Variants in RAB17 observed in about 807,000 individuals in gnomAD.
The protein encoded by RAB17 is RAB17, member RAS oncogene family, also known as ras-related protein Rab-17.
In RAB17, 15 loss-of-function variants were observed where a neutral mutation model predicts 19.3. That is an observed-to-expected ratio of 0.78 (90% CI 0.52 to 1.20). The LOEUF is 1.20. RAB17 is among the 50% of genes most tolerant of loss of function. The pLI, the probability that RAB17 is intolerant of heterozygous loss-of-function variation, is 0.00. For missense variants in RAB17, 262 were observed against 269.3 expected (o/e 0.97, Z 0.19); for synonymous variants, 110 against 112.8 (o/e 0.97, Z 0.16).
rs2081344876 is a variant in RAB17 at position 237,585,763 on chromosome 2, C to A, written c.157+235G>T. ...CCTACCCCAGAATCTCCACCCCCTG[C>A]AGACTCCAGCTGAGCTGAAACCTGA... On this transcript the variant is annotated intron_variant, in intron 2 of 5. Coordinates refer to ENST00000264601, the MANE Select transcript of RAB17 (RefSeq NM_022449.4). Among the ~76,000 whole-genome samples the A allele has an allele frequency of 2.0e-5, 3 of 152,212 alleles. No individual in the cohort carries two copies. In the South Asian group the frequency reaches 6.2e-4, roughly 32 times the overall value.
rs1413472593 is a variant in RAB17 at position 237,584,681 on chromosome 2, A to C, written c.157+1317T>G. Among the ~76,000 whole-genome samples, 5 of 152,132 alleles carry C rather than the reference A, an allele frequency of 3.3e-5. No homozygotes were observed. The East Asian group carries it at 9.7e-4, about 29-fold the overall frequency. On this transcript the variant is annotated intron_variant, in intron 2 of 5. Coordinates refer to ENST00000264601, the MANE Select transcript of RAB17 (RefSeq NM_022449.4). ...CCTGACACCTGCTGCCTCTCTCTGC[A>C]TCTTGAATACCAGCCACCCAGGTAC...
chr2:237,575,787 CT>C (rs1223372668), intron 4 of RAB17: 3 of 388,436 alleles, frequency 7.7e-6, no homozygotes, highest in Non-Finnish European at 1.4e-5. Flanking sequence ...CACCTGTGGG[CT>C]TTGATGCTGG....
chr2:237,578,267 C>A, intron 2 of RAB17, 112 bp from the exon 3 acceptor site: 1 of 1,061,086 alleles, frequency 9.4e-7, no homozygotes, highest in Admixed American at 2.7e-5. Flanking sequence ...GGACAGCTGG[C>A]CATGCATCTC....
At chr2:237,576,813 G>GC (rs2081267445) in intron 4 of RAB17, 2 of 449,312 alleles carry the variant, frequency 4.5e-6, no homozygotes, top group Non-Finnish European at 9.3e-6. Context: ...CATTTGCACA[G>GC]AAGCCCCTTC....
At chr2:237,579,974 A>T (rs2081296289) in intron 2 of RAB17, among the ~76,000 whole-genome samples, 1 of 152,234 alleles carries the variant, frequency 6.6e-6, no homozygotes. Flanking sequence ...TCCAGCTTAG[A>T]TGGGGCAACT....
Position 237,574,786 on chromosome 2 carries a change from G to C in RAB17, c.*233C>G. ...AACAGGCACAGGCATCGGGGAATCA[G>C]ATGGTATCAGTGGGGATAGGGCACA... On this transcript the variant is annotated 3_prime_UTR_variant, in exon 6 of 6. Transcript: ENST00000264601. 5.7e-6 allele frequency: 6 copies of C among 1,052,642 alleles called. No individual in the cohort carries two copies. The highest frequency in any genetic ancestry group is 7.9e-6 in the Non-Finnish European group (6 of 762,104). The allele number at this position is 1,052,642 out of a possible 1,614,324, so 65.2% of individuals were successfully genotyped here.
intron 5 of RAB17, 32 bp downstream of exon 5, chr2:237,575,355 C>T: frequency 6.4e-7 from 1 of 1,550,766 alleles, no homozygotes; most frequent in East Asian, 2.3e-5. Flanking sequence ...CAAGCACCTC[C>T]CCCTTGTCTG....
At chr2:237,585,894 T>G in intron 2 of RAB17, 104 bp downstream of exon 2, 1 of 1,273,510 alleles carries the variant, frequency 7.9e-7, no homozygotes, top group Non-Finnish European at 1.1e-6. Flanking sequence ...GGTCCCAGCA[T>G]GGGGATTCCT....
chr2:237,586,472 C>T (rs7579560), intron 1 of RAB17, among the ~76,000 whole-genome samples: 39,922 of 152,070 alleles, frequency 0.26, 6,937 homozygotes, highest in African/African-American at 0.5. Context: ...TTGTTGTCCT[C>T]CTTCCATTAC....
chr2:237,580,855 G>A (rs892923608), intron 2 of RAB17, among the ~76,000 whole-genome samples: 4 of 152,200 alleles, frequency 2.6e-5, no homozygotes, highest in Non-Finnish European at 4.4e-5. Flanking sequence ...TTTAGTCCAA[G>A]CAATGATAAT....
At chr2:237,584,464 A>C (rs2081332848) in intron 2 of RAB17, among the ~76,000 whole-genome samples, 2 of 151,980 alleles carry the variant, frequency 1.3e-5, no homozygotes, top group South Asian at 4.2e-4. Context: ...CAACCACTCA[A>C]CCCTGCTGCC....
intron 1 of RAB17, among the ~76,000 whole-genome samples, chr2:237,588,831 A>C (rs988397882): frequency 6.6e-6 from 1 of 152,260 alleles, no homozygotes; most frequent in African/African-American, 2.4e-5. Context: ...TGTCTGAATT[A>C]ACTGAAACAG....
At position 237,575,402 on chromosome 2, in the gene RAB17, C is replaced by T. The variant is rs1318070420; in HGVS notation, c.514G>A (p.Val172Met). 6.2e-7 allele frequency: 1 copy of T among 1,611,794 alleles called. No homozygotes were observed. The highest frequency in any genetic ancestry group is 8.5e-7 in the Non-Finnish European group (1 of 1,179,344). Reference protein sequence around the residue: ...SAKLNHQVSEVFNTVAQELLQ... With the variant: ...SAKLNHQVSEMFNTVAQELLQ... ...CGTGACTCACCCACTGTATTGAACACCTCCGACACCTGGTGGTTCAGTTTG... is the reference window on the plus strand; with the variant it reads ...CGTGACTCACCCACTGTATTGAACATCTCCGACACCTGGTGGTTCAGTTTG... Residue 172 changes from valine (V) to methionine (M), a missense_variant, in exon 5 of 6, where the codon GTG (valine) becomes ATG (methionine). Val to Met is a conservative substitution (Grantham distance 21, BLOSUM62 1). Transcript: ENST00000264601.
intron 4 of RAB17, 195 bp from the exon 5 acceptor site, chr2:237,575,675 A>G: frequency 1.8e-6 from 1 of 551,876 alleles, no homozygotes; most frequent in Non-Finnish European, 3.2e-6. Context: ...GCTCCCTGGA[A>G]GAGGCTCTTC....
Position 237,590,676 on chromosome 2 carries a change from T to C in RAB17, c.-213A>G, listed in dbSNP as rs57423896. 75,564 of 152,336 alleles carry C rather than the reference T, an allele frequency of 0.5. 21,076 individuals carry two copies. The highest frequency in any genetic ancestry group is 0.77 in the African/African-American group (31,706 of 41,224). The allele number at this position is 152,336 out of a possible 1,614,324, so 9.4% of individuals were successfully genotyped here. On this transcript the variant is annotated 5_prime_UTR_variant, in exon 1 of 6. Transcript: ENST00000264601. ...GAGCAGCAGCCTCGGACCAGAGCAA[T>C]GCCCACTGGACCCCAGCGCCAAGGT...
Position 237,578,171 on chromosome 2 carries a change from CCAGAGGGCTTACT to C in RAB17, c.158-29_158-17del, listed in dbSNP as rs764933092. 6.2e-7 allele frequency: 1 copy of C among 1,601,140 alleles called. No individual in the cohort carries two copies. Among genetic ancestry groups the C allele is most frequent in the Non-Finnish European group, 8.5e-7 (1 of 1,170,042 alleles). ...AAGAACGCACCTGAAACAGGGAGGC[CCAGAGGGCTTACT>C]CAGAGGACGAGGTTGCCACATGCGG... On this transcript the variant is annotated splice_polypyrimidine_tract_variant and intron_variant, in intron 2 of 5. Coordinates refer to ENST00000264601, the MANE Select transcript of RAB17 (RefSeq NM_022449.4).
Position 237,576,551 on chromosome 2 carries a change from T to C in RAB17, c.435+706A>G, listed in dbSNP as rs192947377. ...CTTCTCCATCTCTCCACAGCCTCCA[T>C]TGAAGCTGGGGCCTTTTCTCTTTGG... On this transcript the variant is annotated intron_variant, in intron 4 of 5. Coordinates refer to ENST00000264601, the MANE Select transcript of RAB17 (RefSeq NM_022449.4). 1,686 of 470,854 alleles carry C rather than the reference T, an allele frequency of 3.6e-3. 8 individuals carry two copies. The highest frequency in any genetic ancestry group is 6.3e-3 in the Non-Finnish European group (1,440 of 226,996). The allele number at this position is 470,854 out of a possible 1,614,324, so 29.2% of individuals were successfully genotyped here.
chr2:237,576,170 C>T (rs914784982), intron 4 of RAB17, among the ~76,000 whole-genome samples: 12 of 152,044 alleles, frequency 7.9e-5, no homozygotes, highest in Non-Finnish European at 1.3e-4. Flanking sequence ...CAGGTGTGGC[C>T]GGCCATGCCC....
chr2:237,575,122 T>C lies in RAB17; in HGVS notation c.536A>G (p.Glu179Gly), dbSNP rs575419413. 536 of 1,612,750 alleles carry C rather than the reference T, an allele frequency of 3.3e-4. 5 individuals carry two copies. In the South Asian group the frequency reaches 5.6e-3, roughly 17 times the overall value. ...VSEVFNTVAQ[E>G]LLQRSDEEGQ... ...CTCCTCGTCGCTTCTCTGCAGTAGCTCTTGGGCTGTGAACAGCAAGAGGAG... is the reference window on the plus strand; with the variant it reads ...CTCCTCGTCGCTTCTCTGCAGTAGCCCTTGGGCTGTGAACAGCAAGAGGAG... Residue 179 changes from glutamate (E) to glycine (G), a missense_variant, in exon 6 of 6, where the codon GAG becomes GGG. Transcript: ENST00000264601.
Sources: gnomAD v4.1 joint callset for allele counts (sites outside exome capture counted in the v4.1 genomes callset) on GRCh38, gnomAD v4.1.1 for gene constraint, MANE v1.5 for transcripts, NCBI Gene and HGNC (gene_info 2026-07-23, HGNC 2026-07-21) for gene names.